Variants in PAK1 observed in about 807,000 individuals in gnomAD.
PAK1 encodes the protein p21 (RAC1) activated kinase 1, also known as serine/threonine-protein kinase PAK 1.
Under a neutral mutation model 67.4 loss-of-function variants are expected in PAK1, and 29 were observed. That is an observed-to-expected ratio of 0.43 (90% CI 0.32 to 0.59). The LOEUF is 0.59. PAK1 is among the 20% of genes least tolerant of loss of function. The probability of loss-of-function intolerance (pLI) is 0.07; values close to 1 mark genes in which losing one functional copy is unlikely to be tolerated. For missense variants in PAK1, 337 were observed against 670.7 expected (o/e 0.50, Z 5.50); for synonymous variants, 223 against 237.4 (o/e 0.94, Z 0.56).
intron 1 of PAK1, among the ~76,000 whole-genome samples, chr11:77,402,393 G>A (rs1314932163): frequency 6.6e-6 from 1 of 152,130 alleles, no homozygotes; most frequent in African/African-American, 2.4e-5. Flanking sequence ...CTTGCAGACA[G>A]TCACTAGAGT....
chr11:77,459,690 CTTT>C (rs755731892), intron 1 of PAK1, among the ~76,000 whole-genome samples: 10 of 134,560 alleles, frequency 7.4e-5, no homozygotes, highest in East Asian at 2.1e-4. Context: ...TCTTCTTCTT[CTTT>C]TTTTTTTTTT....
At chr11:77,486,612 A>G in the PAK1 span, among the ~76,000 whole-genome samples, 1 of 152,178 alleles carries the variant, frequency 6.6e-6, no homozygotes, top group Non-Finnish European at 1.5e-5. Flanking sequence ...GCATGGAGAG[A>G]GAATCTATGT....
chr11:77,437,830 G>A (rs187557202), intron 1 of PAK1, among the ~76,000 whole-genome samples: 108 of 152,220 alleles, frequency 7.1e-4, no homozygotes, highest in African/African-American at 2.4e-3. Context: ...TATTAGATAG[G>A]TATAAATGTT....
chr11:77,494,839 G>C, the PAK1 span, among the ~76,000 whole-genome samples: 2 of 151,902 alleles, frequency 1.3e-5, no homozygotes, highest in Non-Finnish European at 2.9e-5. Flanking sequence ...AATCAATATA[G>C]TGAGACCCCC....
the PAK1 span, among the ~76,000 whole-genome samples, chr11:77,493,862 G>A: frequency 6.6e-6 from 1 of 152,196 alleles, no homozygotes; most frequent in Non-Finnish European, 1.5e-5. Flanking sequence ...ATTCACTGTA[G>A]AAAGTATAAA....
At position 77,332,608 on chromosome 11, in the gene PAK1, T is replaced by C. The variant is rs935286100; in HGVS notation, c.1551+122A>G. Reference sequence around the variant, plus strand: ...AAAAGGGCAGTAGGAACAGAGTGAGTGTAGGAAGTGGTAGAAGAGAAGCCT... The same window carrying C: ...AAAAGGGCAGTAGGAACAGAGTGAGCGTAGGAAGTGGTAGAAGAGAAGCCT... On this transcript the variant is annotated intron_variant, in intron 14 of 14. Coordinates refer to ENST00000356341, the MANE Select transcript of PAK1 (RefSeq NM_002576.5). The C allele has an allele frequency of 6.7e-6, 5 of 745,192 alleles. No individual in the cohort carries two copies. The African/African-American group carries it at 8.8e-5, about 13-fold the overall frequency. The allele number at this position is 745,192 out of a possible 1,614,324, so 46.2% of individuals were successfully genotyped here. A position where few individuals can be genotyped will look rare whatever the true frequency, so the allele number is the denominator to read the frequency against.
Position 77,337,425 on chromosome 11 carries a change from T to G in PAK1, c.1117-2A>C. On this transcript the variant is annotated splice_acceptor_variant, in intron 11 of 14. Transcript: ENST00000356341. LOFTEE classifies it high-confidence loss of function. ...CAAGAACTCCAGAGCCTGCAGACAC[T>G]ATTGAAGTGGTGTGGGCAGGGGGAG... 1 of 1,562,972 alleles carries G rather than the reference T, an allele frequency of 6.4e-7. No homozygotes were observed. Among genetic ancestry groups the G allele is most frequent in the Non-Finnish European group, 8.8e-7 (1 of 1,134,638 alleles).
chr11:77,447,917 A>G (rs761197726), intron 1 of PAK1, among the ~76,000 whole-genome samples: 5 of 152,216 alleles, frequency 3.3e-5, no homozygotes, highest in Non-Finnish European at 5.9e-5. Flanking sequence ...TTAATACACA[A>G]TTATGAGAGT....
intron 1 of PAK1, among the ~76,000 whole-genome samples, chr11:77,417,693 A>C (rs1955041610): frequency 6.6e-6 from 1 of 152,002 alleles, no homozygotes; most frequent in Non-Finnish European, 1.5e-5. Flanking sequence ...TGGTGATAAT[A>C]GAGGAAATGG....
chr11:77,346,016 C>G (rs904808931), intron 9 of PAK1, among the ~76,000 whole-genome samples: 2 of 152,146 alleles, frequency 1.3e-5, no homozygotes, highest in African/African-American at 4.8e-5. Context: ...TGCTCTGTTG[C>G]CCAGGCTGGA....
intron 5 of PAK1, among the ~76,000 whole-genome samples, chr11:77,362,430 TG>T (rs111525691): frequency 0.04 from 6,115 of 152,274 alleles, 402 homozygotes; most frequent in African/African-American, 0.14. Flanking sequence ...ACAATATCAC[TG>T]GCTACTTTAT....
chr11:77,323,661 A>G (rs1345180096), intron 14 of PAK1, among the ~76,000 whole-genome samples: 1 of 152,226 alleles, frequency 6.6e-6, no homozygotes, highest in Non-Finnish European at 1.5e-5. Context: ...AGATTTGCTT[A>G]TAATAGCCAA....
chr11:77,462,271 C>T (rs1428151796), intron 1 of PAK1, among the ~76,000 whole-genome samples: 1 of 151,382 alleles, frequency 6.6e-6, no homozygotes, highest in African/African-American at 2.4e-5. Flanking sequence ...GCGGAGCTTG[C>T]AGTGAGCCGA....
the PAK1 span, among the ~76,000 whole-genome samples, chr11:77,494,846 C>T: frequency 2.6e-5 from 4 of 151,936 alleles, no homozygotes; most frequent in Admixed American, 2.6e-4. Flanking sequence ...ATAGTGAGAC[C>T]CCCATCTATA....
chr11:77,353,317 G>A, intron 8 of PAK1: 2 of 470,890 alleles, frequency 4.2e-6, no homozygotes, highest in South Asian at 7.1e-5. Context: ...CACTGCAGGG[G>A]TATTTTTAGC....
rs534697420 is a variant in PAK1 at position 77,463,512 on chromosome 11, C to T, written c.-22+10040G>A. 2.6e-5 allele frequency among the ~76,000 whole-genome samples: 4 copies of T among 152,328 alleles called. No individual in the cohort carries two copies. The South Asian group carries it at 8.3e-4, about 32-fold the overall frequency. ...TACCACAGATAGCCAGAGGCAGTCT[C>T]AAGACCACTTGGAAACTTGTATTAA... On this transcript the variant is annotated intron_variant, in intron 1 of 14. Transcript: ENST00000356341.
chr11:77,338,780 A>C (rs535631248), intron 11 of PAK1, among the ~76,000 whole-genome samples: 4 of 152,318 alleles, frequency 2.6e-5, no homozygotes, highest in Admixed American at 6.5e-5. Context: ...AAATGGATGA[A>C]TCTTTGAAAC....
the PAK1 span, among the ~76,000 whole-genome samples, chr11:77,482,589 C>CTTTTTTT: frequency 7.3e-6 from 1 of 137,628 alleles, no homozygotes; most frequent in African/African-American, 2.8e-5. Context: ...TTCCCTCACT[C>CTTTTTTT]TTTTTTTCTT....
chr11:77,498,521 C>T, the PAK1 span, among the ~76,000 whole-genome samples: 180 of 152,178 alleles, frequency 1.2e-3, 2 homozygotes, highest in Middle Eastern at 6.8e-3. Context: ...CCACCTCTCA[C>T]AGTCCTTGGC....
Sources: gnomAD v4.1 joint callset for allele counts (sites outside exome capture counted in the v4.1 genomes callset) on GRCh38, gnomAD v4.1.1 for gene constraint, MANE v1.5 for transcripts, NCBI Gene and HGNC (gene_info 2026-07-23, HGNC 2026-07-21) for gene names.